The following LRRK2 variants were observed in gnomAD, a reference collection of about 807,000 sequenced individuals.
LRRK2 encodes leucine-rich repeat serine/threonine-protein kinase 2.
A neutral mutation model predicts 302.6 loss-of-function variants in LRRK2; 203 were observed. The ratio of observed to expected loss-of-function variants is 0.67; its 90% confidence interval spans 0.60 to 0.75. The LOEUF (loss-of-function observed/expected upper bound fraction) is 0.75, where lower values mean the gene tolerates loss of function less well. Among genes scored for constraint, LRRK2 ranks in the 30% least tolerant of loss-of-function variants. The probability of loss-of-function intolerance (pLI) is 0.00; values close to 1 mark genes in which losing one functional copy is unlikely to be tolerated. For missense variants in LRRK2, 2,830 were observed against 2,951.0 expected (o/e 0.96, Z 0.95); for synonymous variants, 1,066 against 1,031.9 (o/e 1.03, Z -0.63).
At chr12:40,344,740 T>C (rs1483665884) in intron 41 of LRRK2, among the ~76,000 whole-genome samples, 4 of 152,128 alleles carry the variant, frequency 2.6e-5, no homozygotes, top group African/African-American at 9.7e-5. Flanking sequence ...TAACTTAGAT[T>C]TTGAGAATTA....
chr12:40,271,472 T>C (rs1462168770), intron 14 of LRRK2, among the ~76,000 whole-genome samples: 2 of 152,120 alleles, frequency 1.3e-5, no homozygotes, highest in African/African-American at 2.4e-5. Context: ...TGAAAAAAAC[T>C]TGGAGAGTAA....
intron 20 of LRRK2, among the ~76,000 whole-genome samples, chr12:40,290,763 A>G (rs1008296163): frequency 8.6e-5 from 13 of 151,882 alleles, no homozygotes; most frequent in Non-Finnish European, 1.6e-4. Flanking sequence ...TTTTTGTTAT[A>G]TTGATTTTCT....
rs1360424244 is a variant in LRRK2 at position 40,240,620 on chromosome 12, A to G, written c.706+3A>G. 1 of 1,612,524 alleles carries G rather than the reference A, an allele frequency of 6.2e-7. No homozygotes were observed. Among genetic ancestry groups the G allele is most frequent in the East Asian group, 2.2e-5 (1 of 44,766 alleles). On this transcript the variant is annotated splice_donor_region_variant and intron_variant, in intron 6 of 50. Transcript: ENST00000298910. The stretch of plus-strand genomic sequence containing the variant: ...TTTACATTCCCTAGCGATTCCTTGT[A>G]AGTAGCATTTAAATGTTATTTATTT...
intron 33 of LRRK2, chr12:40,316,426 T>A: frequency 2.7e-6 from 2 of 743,696 alleles, no homozygotes; most frequent in Non-Finnish European, 3.3e-6. Context: ...AAATTAGATT[T>A]TCAGCCTTCT....
intron 26 of LRRK2, among the ~76,000 whole-genome samples, chr12:40,303,732 C>T (rs1169736475): frequency 6.6e-6 from 1 of 152,026 alleles, no homozygotes; most frequent in Non-Finnish European, 1.5e-5. Flanking sequence ...TTATTATCTC[C>T]ACTTCATAAG....
At chr12:40,246,366 T>A (rs1941983605) in intron 7 of LRRK2, among the ~76,000 whole-genome samples, 1 of 152,094 alleles carries the variant, frequency 6.6e-6, no homozygotes, top group Non-Finnish European at 1.5e-5. Flanking sequence ...TATTAGATTT[T>A]TAAAAACACT....
chr12:40,312,062 C>A (rs1168010198), intron 31 of LRRK2, among the ~76,000 whole-genome samples: 1 of 151,516 alleles, frequency 6.6e-6, no homozygotes, highest in African/African-American at 2.4e-5. Flanking sequence ...GAGAATGTAT[C>A]ATATCTTTAA....
chr12:40,298,256 T>C lies in LRRK2; in HGVS notation c.3110T>C (p.Leu1037Ser). 1 of 1,613,560 alleles carries C rather than the reference T, an allele frequency of 6.2e-7. No homozygotes were observed. Among genetic ancestry groups the C allele is most frequent in the Non-Finnish European group, 8.5e-7 (1 of 1,179,898 alleles). ...TTGTCTTTTCAGACTCTGAAGAGTT[T>C]GACACATTTGGACTTGCACAGTAAT... ...PQQLCETLKS[L>S]THLDLHSNKF... Residue 1037 changes from leucine to serine, a missense_variant, in exon 24 of 51, where the codon TTG (leucine) becomes TCG (serine). Coordinates refer to ENST00000298910, the MANE Select transcript of LRRK2 (RefSeq NM_198578.4).
intron 14 of LRRK2, among the ~76,000 whole-genome samples, chr12:40,274,194 C>T (rs1372389367): frequency 6.6e-6 from 1 of 152,112 alleles, no homozygotes; most frequent in Non-Finnish European, 1.5e-5. Context: ...AGTATGTAGA[C>T]TCTGGGGTGA....
intron 47 of LRRK2, among the ~76,000 whole-genome samples, chr12:40,359,905 A>T (rs769751955): frequency 1.3e-5 from 2 of 152,172 alleles, no homozygotes; most frequent in African/African-American, 4.8e-5. Context: ...AATTATACAG[A>T]TGTCTACTCA....
chr12:40,271,203 A>G (rs142667393), intron 14 of LRRK2, among the ~76,000 whole-genome samples: 3 of 152,334 alleles, frequency 2.0e-5, no homozygotes, highest in South Asian at 4.1e-4. Flanking sequence ...ACCACTATCT[A>G]TCACCATGCC....
intron 49 of LRRK2, 136 bp from the exon 50 acceptor site, chr12:40,366,870 G>A (rs1361129025): frequency 3.2e-6 from 2 of 634,672 alleles, no homozygotes; most frequent in Non-Finnish European, 5.6e-6. Context: ...TATAATTGAA[G>A]GGTCACCTAG....
chr12:40,366,021 A>T (rs1408331311), intron 49 of LRRK2: 1 of 151,932 alleles, frequency 6.6e-6, no homozygotes. Flanking sequence ...TAGCTTGCTT[A>T]TAACTGAAGT....
chr12:40,357,668 A>G (rs1395275270), intron 46 of LRRK2, among the ~76,000 whole-genome samples: 4 of 151,804 alleles, frequency 2.6e-5, no homozygotes, highest in African/African-American at 9.7e-5. Flanking sequence ...TGTGGTTTTC[A>G]TTTGCATTTT....
At chr12:40,286,749 A>C (rs73108371) in intron 19 of LRRK2, 1,821 of 154,608 alleles carry the variant, frequency 0.012, 50 homozygotes, top group African/African-American at 0.039. Context: ...ATGAGGACTC[A>C]GCCAACTTAT....
chr12:40,298,798 T>TAA lies in LRRK2; in HGVS notation c.3347+306_3347+307dup, dbSNP rs10708635. Among the ~76,000 whole-genome samples the TAA allele has an allele frequency of 4.7e-4, 44 of 94,252 alleles. 2 individuals are homozygous for TAA. The highest frequency in any genetic ancestry group is 1.5e-3 in the African/African-American group (36 of 23,826). 61.8% of individuals were successfully genotyped at this position (94,252 alleles called of 152,430 possible). ...AAAGAAATATATATATATATATATA[T>TAA]AATATATGTATTATAATATATAATA... On this transcript the variant is annotated intron_variant, in intron 24 of 50. Coordinates refer to ENST00000298910, the MANE Select transcript of LRRK2 (RefSeq NM_198578.4).
intron 40 of LRRK2, among the ~76,000 whole-genome samples, chr12:40,337,274 C>CT (rs1308463252): frequency 6.6e-6 from 1 of 152,190 alleles, no homozygotes; most frequent in Non-Finnish European, 1.5e-5. Context: ...CATACAAGAA[C>CT]TTTCTTCACG....
rs1015919723 is a variant in LRRK2 at position 40,367,182 on chromosome 12, T to A, written c.7462+105T>A. 4.1e-5 allele frequency: 40 copies of A among 974,956 alleles called. No homozygotes were observed. In the African/African-American group the frequency reaches 5.6e-4, roughly 14 times the overall value. 60.4% of individuals were successfully genotyped at this position (974,956 alleles called of 1,614,324 possible). ...GTAGAAAATATTACATATGGTATAA[T>A]CAGGAATTTTAATTGGTAGTTTATA... On this transcript the variant is annotated intron_variant, in intron 50 of 50. Transcript: ENST00000298910.
At position 40,293,530 on chromosome 12, in the gene LRRK2, T is replaced by A. The variant is rs1202485485; in HGVS notation, c.2690-15T>A. ...TTGTATTCACCTTCATGTTATTTTA[T>A]CATTTTCAAAATAGGAAGTGAAGGC... On this transcript the variant is annotated splice_polypyrimidine_tract_variant and intron_variant, in intron 20 of 50. Coordinates refer to ENST00000298910, the MANE Select transcript of LRRK2 (RefSeq NM_198578.4). 5 of 1,489,800 alleles carry A rather than the reference T, an allele frequency of 3.4e-6. No individual in the cohort carries two copies. The South Asian group carries it at 4.6e-5, about 14-fold the overall frequency. The allele number at this position is 1,489,800 out of a possible 1,614,324, so 92.3% of individuals were successfully genotyped here.
Sources: allele counts gnomAD v4.1 joint callset (sites outside exome capture counted in the v4.1 genomes callset), GRCh38; gene constraint gnomAD v4.1.1; transcripts MANE v1.5; gene names NCBI Gene and HGNC (gene_info 2026-07-23, HGNC 2026-07-21).